Variants in DDX31 observed in about 807,000 individuals in gnomAD.
The protein encoded by DDX31 is ATP-dependent DNA helicase DDX31.
A neutral mutation model predicts 91.3 loss-of-function variants in DDX31; 70 were observed. The ratio of observed to expected loss-of-function variants is 0.77; its 90% CI spans 0.63 to 0.94. The LOEUF (loss-of-function observed/expected upper bound fraction) is 0.94, where lower values mean the gene tolerates loss of function less well. Ranked by LOEUF, DDX31 falls within the 40% of genes least tolerant of loss-of-function variation. DDX31 has a pLI of 0.00. For missense variants in DDX31, 902 were observed against 925.0 expected (o/e 0.98, Z 0.32); for synonymous variants, 362 against 350.6 (o/e 1.03, Z -0.36).
At chr9:132,664,950 T>C (rs548665127) in intron 1 of DDX31, among the ~76,000 whole-genome samples, 168 of 152,162 alleles carry the variant, frequency 1.1e-3, no homozygotes, top group Admixed American at 2.7e-3. Flanking sequence ...GCTGACCAAC[T>C]CCTTCCTCAG....
intron 14 of DDX31, among the ~76,000 whole-genome samples, chr9:132,634,548 A>G (rs1375315961): frequency 6.6e-6 from 1 of 151,086 alleles, no homozygotes; most frequent in Non-Finnish European, 1.5e-5. Context: ...TTTCTAATAA[A>G]CAGTCCATAT....
intron 19 of DDX31, among the ~76,000 whole-genome samples, chr9:132,603,190 T>C (rs1022705892): frequency 6.6e-5 from 10 of 152,364 alleles, no homozygotes; most frequent in African/African-American, 1.4e-4. Flanking sequence ...AAAACTGACA[T>C]GCACAAAGTG....
chr9:132,637,977 GAAATT>G, intron 14 of DDX31: 1 of 1,019,488 alleles, frequency 9.8e-7, no homozygotes, highest in Admixed American at 5.4e-5. Context: ...AGGAGGAGAG[GAAATT>G]AAGAACTGCA....
intron 17 of DDX31, among the ~76,000 whole-genome samples, chr9:132,623,496 T>C (rs1457541682): frequency 7.6e-6 from 1 of 132,318 alleles, no homozygotes; most frequent in African/African-American, 3.0e-5. Context: ...GAGGTTGTAG[T>C]GAGCCAAGAT....
Position 132,641,994 on chromosome 9 carries a change from G to A in DDX31, c.1440+10C>T, listed in dbSNP as rs1281631420. The A allele has an allele frequency of 6.2e-7, 1 of 1,612,606 alleles. No homozygotes were observed. The highest frequency in any genetic ancestry group is 2.2e-5 in the East Asian group (1 of 44,882). On this transcript the variant is annotated intron_variant, in intron 14 of 19. Transcript: ENST00000372159. ...ATCAGCCTTCACATGGAACACAGGA[G>A]GATACGTACCGTGCAAAGAAGGACG...
chr9:132,657,069 T>C (rs1312359862), intron 6 of DDX31, among the ~76,000 whole-genome samples: 1 of 152,234 alleles, frequency 6.6e-6, no homozygotes, highest in Non-Finnish European at 1.5e-5. Flanking sequence ...CTTATGAAAC[T>C]GGGGTCACAC....
At chr9:132,598,218 A>G (rs929654251) in intron 19 of DDX31, among the ~76,000 whole-genome samples, 1 of 152,146 alleles carries the variant, frequency 6.6e-6, no homozygotes, top group Non-Finnish European at 1.5e-5. Flanking sequence ...CTTTGTTCCA[A>G]GGCCCAATGC....
chr9:132,656,358 C>T (rs370100831), intron 6 of DDX31, among the ~76,000 whole-genome samples: 110 of 152,284 alleles, frequency 7.2e-4, no homozygotes, highest in African/African-American at 2.6e-3. Flanking sequence ...GAATGACCGA[C>T]CTGTTCGTGA....
chr9:132,617,321 T>C (rs984095548), intron 18 of DDX31, among the ~76,000 whole-genome samples: 6 of 152,082 alleles, frequency 3.9e-5, no homozygotes, highest in Non-Finnish European at 5.9e-5. Flanking sequence ...CTCCCCCATC[T>C]CCTTCTACTT....
At chr9:132,658,081 G>T (rs1191389400) in intron 6 of DDX31, 1 of 529,694 alleles carries the variant, frequency 1.9e-6, no homozygotes, top group Non-Finnish European at 3.4e-6. Flanking sequence ...AGCATGAATG[G>T]ATAGCTGCAA....
rs998275870 is a variant in DDX31, at chr9:132,612,374, G to A, written c.1826-119C>T. Reference sequence around the variant, plus strand: ...TTGCCAGGCAACGAAACATGAGCAGGACAATTACAACATATACAAACAACT... The same window carrying A: ...TTGCCAGGCAACGAAACATGAGCAGAACAATTACAACATATACAAACAACT... On this transcript the variant is annotated intron_variant, in intron 18 of 19. Transcript: ENST00000372159. The A allele has an allele frequency of 7.1e-6, 8 of 1,130,652 alleles. No individual in the cohort carries two copies. The African/African-American group carries it at 1.2e-4, about 17-fold the overall frequency. The allele number at this position is 1,130,652 out of a possible 1,614,324, so 70.0% of individuals were successfully genotyped here. A position where few individuals can be genotyped will look rare whatever the true frequency, so the allele number is the denominator to read the frequency against.
intron 1 of DDX31, chr9:132,663,325 A>G: frequency 7.8e-7 from 1 of 1,288,758 alleles, no homozygotes; most frequent in Non-Finnish European, 1.0e-6. Flanking sequence ...CCCATTCCAA[A>G]TGAGAATGCT....
At chr9:132,662,187 G>A in intron 3 of DDX31, 74 bp downstream of exon 3, 3 of 1,455,384 alleles carry the variant, frequency 2.1e-6, no homozygotes, top group Non-Finnish European at 2.9e-6. Flanking sequence ...TCCTAGAGCG[G>A]CCATTTCACA....
chr9:132,635,735 C>G (rs1326985960), intron 14 of DDX31, among the ~76,000 whole-genome samples: 2 of 151,800 alleles, frequency 1.3e-5, no homozygotes, highest in Non-Finnish European at 2.9e-5. Context: ...CACCTGAGGT[C>G]AGGAGTTCGA....
rs894154830 is a variant in DDX31, at chr9:132,642,143, T to C, written c.1381-80A>G. 6.4e-6 allele frequency: 8 copies of C among 1,248,982 alleles called. No individual in the cohort carries two copies. The Admixed American group carries it at 8.9e-5, about 14-fold the overall frequency. The allele number at this position is 1,248,982 out of a possible 1,614,324, so 77.4% of individuals were successfully genotyped here. On this transcript the variant is annotated intron_variant, in intron 13 of 19. Transcript: ENST00000372159. ...GTAGGCTTACATCTCCCTAGCTCTC[T>C]CCATCTCCTACTGCTAGAGCTATTT...
At chr9:132,657,744 G>C (rs1030190828) in intron 6 of DDX31, among the ~76,000 whole-genome samples, 2 of 152,124 alleles carry the variant, frequency 1.3e-5, no homozygotes, top group African/African-American at 4.8e-5. Context: ...GAATAACGAG[G>C]CTGTATTTGT....
Position 132,594,739 on chromosome 9 carries a change from G to A in DDX31, c.*127C>T. 6.9e-7 allele frequency: 1 copy of A among 1,458,200 alleles called. No homozygotes were observed. The highest frequency in any genetic ancestry group is 9.2e-7 in the Non-Finnish European group (1 of 1,082,548). 90.3% of individuals were successfully genotyped at this position (1,458,200 alleles called of 1,614,324 possible). On this transcript the variant is annotated 3_prime_UTR_variant, in exon 20 of 20. Coordinates refer to ENST00000372159, the MANE Select transcript of DDX31 (RefSeq NM_022779.9). Reference sequence around the variant, plus strand: ...GGAGGAGAAGGGCTGTGGCCCCTCTGATTCTTGGGGACGTGGTATTCAGGC... The same window carrying A: ...GGAGGAGAAGGGCTGTGGCCCCTCTAATTCTTGGGGACGTGGTATTCAGGC...
chr9:132,637,984 AG>A, intron 14 of DDX31: 1 of 1,026,132 alleles, frequency 9.7e-7, no homozygotes, highest in Non-Finnish European at 1.2e-6. Context: ...GAGGAAATTA[AG>A]AACTGCACAG....
At chr9:132,634,343 G>A (rs1044766103) in intron 14 of DDX31, among the ~76,000 whole-genome samples, 2 of 152,100 alleles carry the variant, frequency 1.3e-5, no homozygotes, top group Non-Finnish European at 2.9e-5. Context: ...TGGCCCATCT[G>A]TGTTCTATCT....
Sources: allele counts gnomAD v4.1 joint callset (sites outside exome capture counted in the v4.1 genomes callset), GRCh38; gene constraint gnomAD v4.1.1; transcripts MANE v1.5; gene names NCBI Gene and HGNC (gene_info 2026-07-23, HGNC 2026-07-21).